NHS: variants seen among roughly 807,000 people sequenced by gnomAD.
NHS encodes NHS actin remodeling regulator.
A neutral mutation model predicts 72.5 loss-of-function variants in NHS; 5 were observed. The ratio of observed to expected loss-of-function variants is 0.07; its 90% CI spans 0.04 to 0.14. The LOEUF is 0.14. NHS is among the 10% of genes least tolerant of loss of function. The pLI is 1.00. For missense variants in NHS, 1,072 were observed against 1,355.7 expected, an observed-to-expected ratio of 0.79 and a Z score of 3.29; for synonymous variants, 464 against 547.7, an observed-to-expected ratio of 0.85 and a Z score of 2.13.
At chrX:17,695,389 A>T (rs2066221995) in intron 3 of NHS, among the ~76,000 whole-genome samples, 1 of 112,628 alleles carries the variant, frequency 8.9e-6, no homozygotes, top group African/African-American at 3.2e-5. Flanking sequence ...TACAATATCA[A>T]AAATAGTGTT....
rs184972809 is a variant in NHS at position 17,684,551 on chromosome X, C to T, written c.566-3191C>T. The stretch of plus-strand genomic sequence containing the variant: ...AGTGAGGCCCTCAGCTCCTAGAGGC[C>T]ACCTGCCATTCCCTGCCACATGTCC... On this transcript the variant is annotated intron_variant, in intron 1 of 8. Coordinates refer to ENST00000676302, the MANE Select transcript of NHS (RefSeq NM_001291867.2). Among the ~76,000 whole-genome samples the T allele has an allele frequency of 1.3e-3, 145 of 111,456 alleles. 1 individual carries two copies. Among genetic ancestry groups the T allele is most frequent in the African/African-American group, 4.4e-3 (136 of 30,616 alleles).
intron 1 of NHS, among the ~76,000 whole-genome samples, chrX:17,646,400 A>G (rs2065905953): frequency 8.9e-6 from 1 of 112,050 alleles, no homozygotes; most frequent in African/African-American, 3.2e-5. Context: ...CTTCTCTAGT[A>G]AAGCTTCTAG....
intron 1 of NHS, among the ~76,000 whole-genome samples, chrX:17,431,698 G>A (rs1186553308): frequency 9.0e-6 from 1 of 111,645 alleles, no homozygotes; most frequent in Non-Finnish European, 1.9e-5. Context: ...ATCAGATCAG[G>A]CTGATGTTAA....
intron 1 of NHS, among the ~76,000 whole-genome samples, chrX:17,623,737 G>T (rs958706721): frequency 9.8e-5 from 11 of 112,099 alleles, no homozygotes; most frequent in Non-Finnish European, 1.9e-4. Flanking sequence ...CCACATTCAT[G>T]TCCCTTACAT....
At chrX:17,381,649 A>C (rs776684698) in intron 1 of NHS, among the ~76,000 whole-genome samples, 12 of 112,733 alleles carry the variant, frequency 1.1e-4, no homozygotes, top group African/African-American at 3.5e-4. Flanking sequence ...TTGCTGAATA[A>C]AATTCCATTG....
chrX:17,629,936 T>C (rs2065817158), intron 1 of NHS, among the ~76,000 whole-genome samples: 1 of 109,418 alleles, frequency 9.1e-6, no homozygotes, highest in African/African-American at 3.3e-5. Flanking sequence ...TCTGACCTAT[T>C]TGGGACTCAT....
At chrX:17,500,580 C>A (rs2065032539) in intron 1 of NHS, among the ~76,000 whole-genome samples, 1 of 112,000 alleles carries the variant, frequency 8.9e-6, no homozygotes. Flanking sequence ...CCACTCTGAT[C>A]AAGCAGCAGG....
intron 1 of NHS, among the ~76,000 whole-genome samples, chrX:17,383,760 G>A (rs976740685): frequency 2.7e-5 from 3 of 111,903 alleles, no homozygotes; most frequent in Non-Finnish European, 5.6e-5. Context: ...TATGGGTGGG[G>A]ATACAGAGCC....
Position 17,375,990 on chromosome X carries a change from C to T in NHS, c.233C>T (p.Ala78Val). ...PPPPPPLPAP[A>V]DQTQPPHGEA... ...CCGCCGCCGCCACTGCCCGCGCCGG[C>T]CGACCAGACTCAGCCGCCGCACGGA... Residue 78 changes from alanine to valine, a missense_variant, in exon 1 of 9, where the codon GCC becomes GTC. By Grantham distance (64) the Ala-to-Val change is moderately conservative. Transcript: ENST00000676302. The T allele has an allele frequency of 9.3e-7, 1 of 1,078,694 alleles. No individual in the cohort carries two copies. Among genetic ancestry groups the T allele is most frequent in the Admixed American group, 3.3e-5 (1 of 30,607 alleles). 88.9% of individuals were successfully genotyped at this position (1,078,694 alleles called of 1,213,427 possible).
intron 1 of NHS, among the ~76,000 whole-genome samples, chrX:17,517,121 T>C (rs1352830513): frequency 8.9e-6 from 1 of 112,274 alleles, no homozygotes; most frequent in Non-Finnish European, 1.9e-5. Context: ...ATTAAATTCA[T>C]GGGAGCAAGT....
chrX:17,703,528 T>C (rs1479149735), intron 3 of NHS, among the ~76,000 whole-genome samples: 1 of 112,015 alleles, frequency 8.9e-6, no homozygotes, highest in Non-Finnish European at 1.9e-5. Flanking sequence ...AGGCCTATCA[T>C]TCCACCTCAG....
chrX:17,659,218 G>C (rs2065971349), intron 1 of NHS, among the ~76,000 whole-genome samples: 1 of 112,199 alleles, frequency 8.9e-6, no homozygotes, highest in African/African-American at 3.2e-5. Context: ...GGGAAATCTA[G>C]TCTGTGTGCA....
chrX:17,456,450 C>T (rs1478830145), intron 1 of NHS, among the ~76,000 whole-genome samples: 1 of 112,066 alleles, frequency 8.9e-6, no homozygotes, highest in Non-Finnish European at 1.9e-5. Context: ...TTTAATCCAA[C>T]CTTCCTCAAG....
chrX:17,549,841 G>C, intron 1 of NHS, among the ~76,000 whole-genome samples: 1 of 111,359 alleles, frequency 9.0e-6, no homozygotes, highest in Non-Finnish European at 1.9e-5. Flanking sequence ...CCCTGGAAAA[G>C]GAACAAGTGT....
intron 1 of NHS, among the ~76,000 whole-genome samples, chrX:17,507,795 C>A (rs1298142798): frequency 9.0e-6 from 1 of 111,383 alleles, no homozygotes; most frequent in African/African-American, 3.3e-5. Context: ...ATTTGATTAG[C>A]CCTTTTTATT....
At chrX:17,534,389 C>A (rs2065213507) in intron 1 of NHS, among the ~76,000 whole-genome samples, 1 of 110,989 alleles carries the variant, frequency 9.0e-6, no homozygotes, top group Non-Finnish European at 1.9e-5. Flanking sequence ...AGGCCTATAG[C>A]TACCTTTGCT....
At chrX:17,674,172 A>C (rs978988000) in intron 1 of NHS, among the ~76,000 whole-genome samples, 2 of 111,325 alleles carry the variant, frequency 1.8e-5, no homozygotes, top group African/African-American at 6.6e-5. Context: ...TTTGCTGATG[A>C]TCCTCCGCAC....
intron 1 of NHS, among the ~76,000 whole-genome samples, chrX:17,499,421 T>C (rs1227099214): frequency 1.8e-5 from 2 of 111,931 alleles, no homozygotes; most frequent in East Asian, 5.6e-4. Context: ...TGCCCCTTTT[T>C]GAAAGCACAA....
intron 3 of NHS, among the ~76,000 whole-genome samples, chrX:17,704,906 T>C (rs1437713404): frequency 8.9e-6 from 1 of 111,999 alleles, no homozygotes; most frequent in Non-Finnish European, 1.9e-5. Context: ...AGTTGCTGCA[T>C]TCACACCCCT....
Sources: gnomAD v4.1 joint callset for allele counts (sites outside exome capture counted in the v4.1 genomes callset) on GRCh38, gnomAD v4.1.1 for gene constraint, MANE v1.5 for transcripts, NCBI Gene and HGNC (gene_info 2026-07-23, HGNC 2026-07-21) for gene names.